The following ADARB2 variants were observed in gnomAD, a reference collection of about 807,000 sequenced individuals.
ADARB2 encodes adenosine deaminase RNA specific B2 (inactive).
Under a neutral mutation model 62.2 loss-of-function variants are expected in ADARB2, and 25 were observed. The ratio of observed to expected loss-of-function variants is 0.40; its 90% CI spans 0.29 to 0.56. The LOEUF (loss-of-function observed/expected upper bound fraction) is 0.56. ADARB2 is among the 20% of genes least tolerant of loss of function. The probability of loss-of-function intolerance (pLI) is 0.43; values close to 1 mark genes in which losing one functional copy is unlikely to be tolerated. For missense variants in ADARB2, 1,071 were observed against 1,077.4 expected (o/e 0.99, Z 0.08); for synonymous variants, 572 against 500.8 (o/e 1.14, Z -1.90).
chr10:1,400,279 T>A (rs956331078), intron 1 of ADARB2, among the ~76,000 whole-genome samples: 1 of 152,184 alleles, frequency 6.6e-6, no homozygotes, highest in African/African-American at 2.4e-5. Flanking sequence ...TGGGCCTCCC[T>A]GAGTCCGAGT....
intron 8 of ADARB2, among the ~76,000 whole-genome samples, chr10:1,198,219 G>T (rs1836936408): frequency 6.6e-6 from 1 of 152,176 alleles, no homozygotes; most frequent in Non-Finnish European, 1.5e-5. Context: ...CAGCTTGGTT[G>T]CTTCTTTTTA....
intron 1 of ADARB2, among the ~76,000 whole-genome samples, chr10:1,538,704 G>C (rs985421097): frequency 6.6e-6 from 1 of 152,208 alleles, no homozygotes; most frequent in Non-Finnish European, 1.5e-5. Context: ...CGAGGGGCTC[G>C]AGGTCCTTTA....
intron 1 of ADARB2, among the ~76,000 whole-genome samples, chr10:1,599,682 A>G (rs1833382741): frequency 6.6e-6 from 1 of 152,182 alleles, no homozygotes; most frequent in Non-Finnish European, 1.5e-5. Flanking sequence ...GTTTAGGAAA[A>G]AATTCGCACC....
intron 1 of ADARB2, among the ~76,000 whole-genome samples, chr10:1,397,814 C>T (rs560675792): frequency 6.6e-5 from 6 of 91,350 alleles, no homozygotes; most frequent in South Asian, 5.2e-4. Context: ...TCTCCCCTCC[C>T]GAGCGCAGGC....
chr10:1,573,722 C>T (rs1158422869), intron 1 of ADARB2, among the ~76,000 whole-genome samples: 2 of 152,150 alleles, frequency 1.3e-5, no homozygotes, highest in Non-Finnish European at 2.9e-5. Context: ...ATGCAGCAGG[C>T]ACCCAGCAGG....
chr10:1,611,035 G>A (rs969409087), intron 1 of ADARB2, among the ~76,000 whole-genome samples: 1 of 152,176 alleles, frequency 6.6e-6, no homozygotes, highest in East Asian at 1.9e-4. Context: ...CGACATCAAC[G>A]TTACAAGCCT....
At chr10:1,231,947 T>G (rs765192030) in intron 6 of ADARB2, among the ~76,000 whole-genome samples, 1 of 152,222 alleles carries the variant, frequency 6.6e-6, no homozygotes, top group African/African-American at 2.4e-5. Context: ...GGAGGCTGCA[T>G]GACAAGCCTG....
At chr10:1,499,530 T>C (rs555644427) in intron 1 of ADARB2, among the ~76,000 whole-genome samples, 2 of 151,976 alleles carry the variant, frequency 1.3e-5, no homozygotes, top group South Asian at 2.1e-4. Flanking sequence ...TCAAACTTAT[T>C]CATCACTCGC....
At chr10:1,364,992 C>T (rs1005739201) in intron 2 of ADARB2, among the ~76,000 whole-genome samples, 1 of 151,840 alleles carries the variant, frequency 6.6e-6, no homozygotes, top group African/African-American at 2.4e-5. Flanking sequence ...TCTGCCTCAG[C>T]CTCCTGAGTA....
intron 3 of ADARB2, among the ~76,000 whole-genome samples, chr10:1,328,534 A>G (rs537294885): frequency 1.3e-5 from 2 of 152,132 alleles, no homozygotes; most frequent in Admixed American, 6.5e-5. Flanking sequence ...TGCAAACATT[A>G]TTACATACTT....
At chr10:1,245,148 G>C (rs1332826978) in intron 4 of ADARB2, among the ~76,000 whole-genome samples, 1 of 152,120 alleles carries the variant, frequency 6.6e-6, no homozygotes, top group East Asian at 1.9e-4. Flanking sequence ...TGAGGACTTA[G>C]GAAGCACCCT....
At chr10:1,434,484 A>G (rs972439755) in intron 1 of ADARB2, among the ~76,000 whole-genome samples, 7 of 152,214 alleles carry the variant, frequency 4.6e-5, no homozygotes, top group African/African-American at 1.4e-4. Flanking sequence ...ATCAGAAGCC[A>G]GTGCCCTTAT....
At chr10:1,389,944 T>C (rs1302984863) in intron 1 of ADARB2, among the ~76,000 whole-genome samples, 3 of 152,108 alleles carry the variant, frequency 2.0e-5, no homozygotes, top group Admixed American at 6.5e-5. Context: ...CCTCCACTTC[T>C]AGATATTTAA....
At chr10:1,187,811 C>A (rs1347606522) in intron 8 of ADARB2, 1 of 415,302 alleles carries the variant, frequency 2.4e-6, no homozygotes, top group East Asian at 7.3e-5. Flanking sequence ...GGGTGGGCTG[C>A]GGGGTCGTCC....
chr10:1,311,407 A>C (rs1331364454), intron 3 of ADARB2, among the ~76,000 whole-genome samples: 1 of 152,190 alleles, frequency 6.6e-6, no homozygotes, highest in African/African-American at 2.4e-5. Context: ...TGGTTTGGTA[A>C]CAGGTGCGAT....
At chr10:1,543,758 C>T (rs1426293006) in intron 1 of ADARB2, among the ~76,000 whole-genome samples, 2 of 152,150 alleles carry the variant, frequency 1.3e-5, no homozygotes, top group African/African-American at 4.8e-5. Flanking sequence ...GCCGGGCCTG[C>T]GTTCCTTCTT....
At chr10:1,514,478 T>A (rs575950189) in intron 1 of ADARB2, among the ~76,000 whole-genome samples, 1 of 152,018 alleles carries the variant, frequency 6.6e-6, no homozygotes, top group Admixed American at 6.6e-5. Flanking sequence ...TTATCTGGGA[T>A]GTATTTTCCT....
chr10:1,566,129 G>A (rs941120463), intron 1 of ADARB2, among the ~76,000 whole-genome samples: 1 of 147,856 alleles, frequency 6.8e-6, no homozygotes, highest in Non-Finnish European at 1.5e-5. Context: ...TGTACAGTGA[G>A]TGTGTGTGTA....
intron 1 of ADARB2, among the ~76,000 whole-genome samples, chr10:1,410,706 CT>C (rs764771191): frequency 1.2e-3 from 188 of 152,312 alleles, no homozygotes; most frequent in Non-Finnish European, 2.3e-3. Context: ...TGAAGACCCC[CT>C]GTCCTCCTTC....
Sources: allele counts gnomAD v4.1 joint callset (sites outside exome capture counted in the v4.1 genomes callset), GRCh38; gene constraint gnomAD v4.1.1; transcripts MANE v1.5; gene names NCBI Gene and HGNC (gene_info 2026-07-23, HGNC 2026-07-21).